Variants in RAB5A observed in about 807,000 individuals in gnomAD.
The protein encoded by RAB5A is ras-related protein Rab-5A.
Under a neutral mutation model 25.7 loss-of-function variants are expected in RAB5A, and 8 were observed. That is an observed-to-expected ratio of 0.31 (90% confidence interval 0.18 to 0.56). The LOEUF is 0.56. RAB5A is among the 20% of genes least tolerant of loss of function. The probability of loss-of-function intolerance (pLI) is 0.91; values close to 1 mark genes in which losing one functional copy is unlikely to be tolerated. For synonymous variants in RAB5A, 98 were observed against 89.8 expected (o/e 1.09, Z -0.52); for missense variants, 192 against 259.7 (o/e 0.74, Z 1.79).
intron 2 of RAB5A, among the ~76,000 whole-genome samples, chr3:19,959,551 T>G (rs187124998): frequency 6.6e-6 from 1 of 152,034 alleles, no homozygotes; most frequent in Admixed American, 6.6e-5. Flanking sequence ...TGCATAACCT[T>G]TAGTGCATGG....
chr3:19,965,343 G>C (rs953966534), intron 2 of RAB5A, among the ~76,000 whole-genome samples: 1 of 151,842 alleles, frequency 6.6e-6, no homozygotes, highest in Non-Finnish European at 1.5e-5. Flanking sequence ...GATTGCTTGA[G>C]GCCAGGAGTT....
intron 2 of RAB5A, among the ~76,000 whole-genome samples, chr3:19,968,758 C>T (rs1035981840): frequency 1.3e-5 from 2 of 152,122 alleles, no homozygotes; most frequent in African/African-American, 2.4e-5. Flanking sequence ...CCACTGTGCC[C>T]GGCCTTACTT....
rs182280330 is a variant in RAB5A, at chr3:19,959,479, T to C, written c.163+8418T>C. On this transcript the variant is annotated intron_variant, in intron 2 of 5. Coordinates refer to ENST00000273047, the MANE Select transcript of RAB5A (RefSeq NM_004162.5). Reference sequence around the variant, plus strand: ...ATATATGTATGTATATATAAATCAATCTCCAAAAGAAGATATACATAGAAA... The same window carrying C: ...ATATATGTATGTATATATAAATCAACCTCCAAAAGAAGATATACATAGAAA... Among the ~76,000 whole-genome samples, 972 of 151,822 alleles carry C rather than the reference T, an allele frequency of 6.4e-3. 7 individuals carry two copies. The highest frequency in any genetic ancestry group is 0.01 in the Non-Finnish European group (710 of 67,954).
chr3:19,964,515 A>G (rs530935448), intron 2 of RAB5A, among the ~76,000 whole-genome samples: 4 of 152,370 alleles, frequency 2.6e-5, no homozygotes, highest in African/African-American at 9.6e-5. Context: ...TGGTGAGGCA[A>G]TCACAGGGTC....
intron 2 of RAB5A, among the ~76,000 whole-genome samples, chr3:19,956,433 G>A (rs972063462): frequency 1.3e-5 from 2 of 152,166 alleles, no homozygotes; most frequent in Admixed American, 6.5e-5. Flanking sequence ...CAGCCTGGGC[G>A]ACAGGGCGAG....
At chr3:19,978,469 G>C (rs1696861377) in intron 5 of RAB5A, 66 bp downstream of exon 5, 1 of 1,270,060 alleles carries the variant, frequency 7.9e-7, no homozygotes, top group Admixed American at 2.1e-5. Context: ...TATTTGGTTT[G>C]ACTGTCTCTT....
chr3:19,970,869 A>G (rs1696739518), intron 2 of RAB5A, among the ~76,000 whole-genome samples: 1 of 152,196 alleles, frequency 6.6e-6, no homozygotes, highest in Non-Finnish European at 1.5e-5. Flanking sequence ...TGTCAGTTAC[A>G]CTTCACCGAG....
intron 4 of RAB5A, 76 bp downstream of exon 4, chr3:19,976,245 G>C (rs965224307): frequency 6.8e-7 from 1 of 1,470,690 alleles, no homozygotes; most frequent in African/African-American, 1.4e-5. Flanking sequence ...ACTTGAATTA[G>C]TTATAATGTC....
chr3:19,961,012 C>T (rs772092074), intron 2 of RAB5A, among the ~76,000 whole-genome samples: 3 of 152,120 alleles, frequency 2.0e-5, no homozygotes, highest in Non-Finnish European at 4.4e-5. Context: ...TATATTCCAC[C>T]TAGTTACTAT....
intron 5 of RAB5A, among the ~76,000 whole-genome samples, chr3:19,982,759 C>G (rs1326428801): frequency 7.3e-6 from 1 of 137,730 alleles, no homozygotes; most frequent in Non-Finnish European, 1.5e-5. Context: ...GAGACCTTGT[C>G]TCTTAAAAAA....
chr3:19,980,349 T>C lies in RAB5A; in HGVS notation c.532+1946T>C, dbSNP rs556774930. On this transcript the variant is annotated intron_variant, in intron 5 of 5. Transcript: ENST00000273047. The stretch of plus-strand genomic sequence containing the variant: ...AAGCAGCCTACATATTTTAGTTTTT[T>C]GTTTTTTTCTGAAATCAGAATGTTG... Among the ~76,000 whole-genome samples, 11 of 152,366 alleles carry C rather than the reference T, an allele frequency of 7.2e-5. No individual in the cohort carries two copies. In the South Asian group the frequency reaches 2.1e-3, roughly 29 times the overall value.
At chr3:19,951,180 C>A in intron 2 of RAB5A, 119 bp downstream of exon 2, 1 of 1,166,136 alleles carries the variant, frequency 8.6e-7, no homozygotes, top group Non-Finnish European at 1.2e-6. Context: ...AAGAAAAGAG[C>A]TGTTCAGCTT....
At chr3:19,950,615 TA>T (rs111502549) in intron 1 of RAB5A, among the ~76,000 whole-genome samples, 190 bp from the exon 2 acceptor site, 19 of 149,436 alleles carry the variant, frequency 1.3e-4, no homozygotes, top group African/African-American at 2.9e-4. Flanking sequence ...GGTTAGCCTT[TA>T]AAAAAAAAAG....
intron 2 of RAB5A, among the ~76,000 whole-genome samples, chr3:19,962,876 T>A (rs1420909393): frequency 6.6e-6 from 1 of 152,104 alleles, no homozygotes; most frequent in African/African-American, 2.4e-5. Flanking sequence ...GCAGTGACGC[T>A]GTCATAGCTC....
At chr3:19,957,935 A>G (rs1696528664) in intron 2 of RAB5A, among the ~76,000 whole-genome samples, 1 of 152,206 alleles carries the variant, frequency 6.6e-6, no homozygotes, top group Admixed American at 6.5e-5. Context: ...AGCTAGCCAG[A>G]AAATTTAAAT....
chr3:19,969,917 C>T (rs1440499328), intron 2 of RAB5A, among the ~76,000 whole-genome samples: 1 of 152,180 alleles, frequency 6.6e-6, no homozygotes, highest in African/African-American at 2.4e-5. Flanking sequence ...GATTCTTCTG[C>T]CTCAGTCTCC....
At chr3:19,955,568 T>C (rs112553024) in intron 2 of RAB5A, among the ~76,000 whole-genome samples, 1 of 151,762 alleles carries the variant, frequency 6.6e-6, no homozygotes, top group Admixed American at 6.6e-5. Flanking sequence ...AATTGGGGGG[T>C]TTTTTTGAGG....
Position 19,983,795 on chromosome 3 carries a change from CA to C in RAB5A, c.622del (p.Thr208ProfsTer13). ...RGVDLTEPTQ[P>X]TRNQCCSN Reference sequence around the variant, plus strand: ...GTAGACCTTACCGAACCCACACAACCAACCAGGAATCAGTGTTGTAGTAACT... The same window carrying C: ...GTAGACCTTACCGAACCCACACAACCACCAGGAATCAGTGTTGTAGTAACT... On this transcript the variant is annotated frameshift_variant, in exon 6 of 6. Transcript: ENST00000273047. LOFTEE classifies it high-confidence loss of function. The C allele has an allele frequency of 6.2e-7, 1 of 1,610,074 alleles. No individual in the cohort carries two copies. Among genetic ancestry groups the C allele is most frequent in the East Asian group, 2.2e-5 (1 of 44,654 alleles).
intron 2 of RAB5A, among the ~76,000 whole-genome samples, chr3:19,963,701 G>A (rs1179957924): frequency 6.6e-6 from 1 of 152,144 alleles, no homozygotes; most frequent in Non-Finnish European, 1.5e-5. Flanking sequence ...CTGAAGAGCA[G>A]TGGCATGATT....
Sources: allele counts gnomAD v4.1 joint callset (sites outside exome capture counted in the v4.1 genomes callset), GRCh38; gene constraint gnomAD v4.1.1; transcripts MANE v1.5; gene names NCBI Gene and HGNC (gene_info 2026-07-23, HGNC 2026-07-21).